ILDR2: variants seen among roughly 807,000 people sequenced by gnomAD.
ILDR2 encodes immunoglobulin-like domain-containing receptor 2.
Under a neutral mutation model 66.8 loss-of-function variants are expected in ILDR2, and 25 were observed. That is an observed-to-expected ratio of 0.37 (90% CI 0.27 to 0.52). The LOEUF (loss-of-function observed/expected upper bound fraction) is 0.52. ILDR2 is among the 20% of genes least tolerant of loss of function. The probability of loss-of-function intolerance (pLI) is 0.88; values close to 1 mark genes in which losing one functional copy is unlikely to be tolerated. For synonymous variants in ILDR2, 367 were observed against 357.2 expected (o/e 1.03, Z -0.31); for missense variants, 827 against 876.8 (o/e 0.94, Z 0.72).
At chr1:166,930,977 G>A (rs1315198987) in intron 6 of ILDR2, among the ~76,000 whole-genome samples, 1 of 152,142 alleles carries the variant, frequency 6.6e-6, no homozygotes, top group African/African-American at 2.4e-5. Context: ...TTTTTCCCCA[G>A]TGATGTTTCA....
downstream of ILDR2, among the ~76,000 whole-genome samples, chr1:166,904,865 C>G (rs1659314847): frequency 6.6e-6 from 1 of 152,156 alleles, no homozygotes; most frequent in Admixed American, 6.5e-5. Context: ...TTCCAAAACC[C>G]CACTTCACTG....
At chr1:166,963,329 A>G (rs1186912111) in intron 1 of ILDR2, among the ~76,000 whole-genome samples, 1 of 152,204 alleles carries the variant, frequency 6.6e-6, no homozygotes, top group Non-Finnish European at 1.5e-5. Flanking sequence ...TTCTCTCAAA[A>G]TCCTATAAAG....
At position 166,917,794 on chromosome 1, in the gene ILDR2, A is replaced by C. The variant is rs1659701053; in HGVS notation, c.*1561T>G. On this transcript the variant is annotated 3_prime_UTR_variant, in exon 10 of 10. Coordinates refer to ENST00000271417, the MANE Select transcript of ILDR2 (RefSeq NM_199351.3). ...CTATTGGTATCACCTGGACTCACCC[A>C]TGTCTGCATCAGCTGGAAGTTGACG... The C allele has an allele frequency of 1.3e-5, 2 of 152,218 alleles. No homozygotes were observed. The highest frequency in any genetic ancestry group is 1.3e-4 in the Admixed American group (2 of 15,278). 9.4% of individuals were successfully genotyped at this position (152,218 alleles called of 1,614,324 possible).
rs1659558401 is a variant in ILDR2, at chr1:166,914,200, T to A, written c.*5155A>T. The A allele has an allele frequency of 1.3e-5, 2 of 152,104 alleles. No homozygotes were observed. The highest frequency in any genetic ancestry group is 2.9e-5 in the Non-Finnish European group (2 of 68,044). 9.4% of individuals were successfully genotyped at this position (152,104 alleles called of 1,614,324 possible). On this transcript the variant is annotated 3_prime_UTR_variant, in exon 10 of 10. Transcript: ENST00000271417. ...CCCTCTTAGATTAGCATTTGAGGAA[T>A]GAATGGTGCTTAGTTGGATGAAGCA...
At chr1:166,897,781 C>T (rs1464296077) in intron 2 of ILDR2, among the ~76,000 whole-genome samples, 8 of 152,206 alleles carry the variant, frequency 5.3e-5, no homozygotes, top group African/African-American at 1.9e-4. Context: ...TTGTTCTATG[C>T]ATCTTTCTTT....
intron 1 of ILDR2, among the ~76,000 whole-genome samples, chr1:166,962,948 C>T (rs1172026645): frequency 6.6e-6 from 1 of 152,204 alleles, no homozygotes; most frequent in African/African-American, 2.4e-5. Flanking sequence ...CCCCCAACTC[C>T]CTTAAGCCTC....
rs1417468731 is a variant in ILDR2 at position 166,909,770 on chromosome 1, AATAT to A, written c.*9581_*9584del. 1.1e-4 allele frequency: 7 copies of A among 66,218 alleles called. No individual in the cohort carries two copies. In the East Asian group the frequency reaches 3.4e-3, roughly 32 times the overall value. 4.1% of individuals were successfully genotyped at this position (66,218 alleles called of 1,614,324 possible). On this transcript the variant is annotated 3_prime_UTR_variant, in exon 10 of 10. Transcript: ENST00000271417. ...ATATATATATATATAAATATATATAAATATATATATTTATATATATATATATATA... is the reference window on the plus strand; with the variant it reads ...ATATATATATATATAAATATATATAAATATATTTATATATATATATATATA...
chr1:166,922,856 T>G (rs1326100276), intron 7 of ILDR2, 47 bp from the exon 8 acceptor site: 1 of 1,508,866 alleles, frequency 6.6e-7, no homozygotes, highest in Non-Finnish European at 9.2e-7. Flanking sequence ...TGTTACTCTG[T>G]TTTAGACAGG....
intron 7 of ILDR2, 126 bp downstream of exon 7, chr1:166,926,941 C>T (rs1476452343): frequency 8.5e-6 from 5 of 587,926 alleles, no homozygotes; most frequent in Non-Finnish European, 1.2e-5. Flanking sequence ...TCAGTAGTGT[C>T]ACCAGCACCC....
At chr1:166,905,602 AC>A (rs556694028), downstream of ILDR2, among the ~76,000 whole-genome samples, 872 of 152,260 alleles carry the variant, frequency 5.7e-3, 7 homozygotes, top group African/African-American at 0.02. Flanking sequence ...GAGATGTCCA[AC>A]CCTGATGTCT....
intron 2 of ILDR2, among the ~76,000 whole-genome samples, chr1:166,901,942 C>A (rs1330995642): frequency 6.6e-6 from 1 of 152,226 alleles, no homozygotes; most frequent in East Asian, 1.9e-4. Flanking sequence ...CTCACTGCAA[C>A]CTCCGCCTCC....
intron 3 of ILDR2, among the ~76,000 whole-genome samples, chr1:166,945,438 ACTTACCTAT>A (rs1661559842): frequency 6.6e-6 from 1 of 152,240 alleles, no homozygotes; most frequent in Admixed American, 6.5e-5. Flanking sequence ...GAATAAAATA[ACTTACCTAT>A]CTTACCTATA....
At position 166,930,446 on chromosome 1, in the gene ILDR2, C is replaced by CT. The variant is rs1407541803; in HGVS notation, c.881-3267dup. On this transcript the variant is annotated intron_variant, in intron 6 of 9. Transcript: ENST00000271417. ...AAAAAGACAGAGGCAAAGTATTGAT[C>CT]TTTTGACTTTAGGAGTATCATCCAT... Among the ~76,000 whole-genome samples, 3 of 152,152 alleles carry CT rather than the reference C, an allele frequency of 2.0e-5. No homozygotes were observed. In the East Asian group the frequency reaches 5.8e-4, roughly 29 times the overall value.
chr1:166,896,530 T>C (rs1417884053), intron 2 of ILDR2, among the ~76,000 whole-genome samples: 1 of 127,482 alleles, frequency 7.8e-6, no homozygotes, highest in African/African-American at 2.8e-5. Flanking sequence ...TCATGTAAAG[T>C]CAAAAATGGA....
intron 1 of ILDR2, among the ~76,000 whole-genome samples, chr1:166,959,841 A>T (rs1333776083): frequency 1.3e-5 from 2 of 152,246 alleles, no homozygotes. Context: ...AGAGGCAGAA[A>T]AAACGAATAT....
chr1:166,898,893 T>TAA (rs36031893), intron 2 of ILDR2, among the ~76,000 whole-genome samples: 3 of 137,784 alleles, frequency 2.2e-5, no homozygotes, highest in Admixed American at 1.5e-4. Context: ...GATCCCATCT[T>TAA]AAAAAAAAAA....
At chr1:166,963,252 T>C (rs1057189866) in intron 1 of ILDR2, among the ~76,000 whole-genome samples, 2 of 152,230 alleles carry the variant, frequency 1.3e-5, no homozygotes, top group Non-Finnish European at 2.9e-5. Flanking sequence ...TACTAGAAAA[T>C]AGCTGTAAAA....
rs1040322334 is a variant in ILDR2, at chr1:166,912,305, T to A, written c.*7050A>T. The A allele has an allele frequency of 6.6e-6, 1 of 152,190 alleles. No homozygotes were observed. Among genetic ancestry groups the A allele is most frequent in the Non-Finnish European group, 1.5e-5 (1 of 68,014 alleles). 9.4% of individuals were successfully genotyped at this position (152,190 alleles called of 1,614,324 possible). ...AGAACAAGAATGAAATAAAGACTTTTACATCAACAAAGACTGATGAGTATC... is the reference window on the plus strand; with the variant it reads ...AGAACAAGAATGAAATAAAGACTTTAACATCAACAAAGACTGATGAGTATC... On this transcript the variant is annotated 3_prime_UTR_variant, in exon 10 of 10. Transcript: ENST00000271417.
intron 6 of ILDR2, 106 bp downstream of exon 6, chr1:166,935,195 A>G: frequency 9.0e-7 from 1 of 1,114,448 alleles, no homozygotes; most frequent in Non-Finnish European, 1.3e-6. Context: ...GAACAGAGAA[A>G]ACTATTTTCC....
Sources: allele counts gnomAD v4.1 joint callset (sites outside exome capture counted in the v4.1 genomes callset), GRCh38; gene constraint gnomAD v4.1.1; transcripts MANE v1.5; gene names NCBI Gene and HGNC (gene_info 2026-07-23, HGNC 2026-07-21).